The following PSMB2 variants were observed in gnomAD, a reference collection of about 807,000 sequenced individuals.
The protein encoded by PSMB2 is proteasome 20S subunit beta 2.
In PSMB2, 13 loss-of-function variants were observed where a neutral mutation model predicts 25.7. That is an observed-to-expected ratio of 0.51 (90% confidence interval 0.33 to 0.80). The LOEUF (loss-of-function observed/expected upper bound fraction) is 0.80. Ranked by LOEUF, PSMB2 falls within the 30% of genes least tolerant of loss-of-function variation. The probability of loss-of-function intolerance (pLI) is 0.02; values close to 1 mark genes in which losing one functional copy is unlikely to be tolerated. For synonymous variants in PSMB2, 87 were observed against 96.2 expected, an observed-to-expected ratio of 0.90 and a Z score of 0.56; for missense variants, 202 against 259.0, an observed-to-expected ratio of 0.78 and a Z score of 1.51.
chr1:35,601,553 C>T lies in PSMB2; in HGVS notation c.*1714G>A, dbSNP rs1459374202. Reference sequence around the variant, plus strand: ...TATGGTGTAAGGCATTTATCATTGGCGTATTAAATAGTGTATAAGACACCC... The same window carrying T: ...TATGGTGTAAGGCATTTATCATTGGTGTATTAAATAGTGTATAAGACACCC... On this transcript the variant is annotated 3_prime_UTR_variant, in exon 6 of 6. Coordinates refer to ENST00000373237, the MANE Select transcript of PSMB2 (RefSeq NM_002794.5). 4.1e-6 allele frequency: 4 copies of T among 984,968 alleles called. No individual in the cohort carries two copies. Among genetic ancestry groups the T allele is most frequent in the Non-Finnish European group, 3.6e-6 (3 of 829,782 alleles). 61.0% of individuals were successfully genotyped at this position (984,968 alleles called of 1,614,324 possible).
intron 1 of PSMB2, among the ~76,000 whole-genome samples, chr1:35,637,255 C>G (rs1279831921): frequency 6.6e-6 from 1 of 152,136 alleles, no homozygotes. Context: ...AGAAAATCAA[C>G]TGAGAATATT....
rs143420984 is a variant in PSMB2, at chr1:35,621,841, C to T, written c.285+9433G>A. Among the ~76,000 whole-genome samples, 1,048 of 152,074 alleles carry T rather than the reference C, an allele frequency of 6.9e-3. 8 individuals are homozygous for T. Among genetic ancestry groups the T allele is most frequent in the Non-Finnish European group, 0.011 (769 of 67,980 alleles). Reference sequence around the variant, plus strand: ...TGAAACCCCATCTCTACTAAAAATACAAAAATTAGCTAGGTATGGTGGCAT... The same window carrying T: ...TGAAACCCCATCTCTACTAAAAATATAAAAATTAGCTAGGTATGGTGGCAT... On this transcript the variant is annotated intron_variant, in intron 3 of 5. Coordinates refer to ENST00000373237, the MANE Select transcript of PSMB2 (RefSeq NM_002794.5).
rs138244294 is a variant in PSMB2, at chr1:35,617,785, T to C, written c.286-8377A>G. 2.0e-4 allele frequency among the ~76,000 whole-genome samples: 31 copies of C among 152,276 alleles called. No individual in the cohort carries two copies. The East Asian group carries it at 6.0e-3, about 29-fold the overall frequency. ...AGAATTAGGTGACTTCAGCAGGAAG[T>C]AGGGAGAGAAACTGGGATGACACTG... is the stretch of plus-strand genomic sequence containing the variant. On this transcript the variant is annotated intron_variant, in intron 3 of 5. Transcript: ENST00000373237.
chr1:35,636,022 T>C (rs1195953028), intron 2 of PSMB2, among the ~76,000 whole-genome samples: 1 of 152,154 alleles, frequency 6.6e-6, no homozygotes, highest in Non-Finnish European at 1.5e-5. Context: ...TAAGAGGTTA[T>C]TAAATTAAAA....
chr1:35,604,793 A>G (rs936423116), intron 5 of PSMB2, among the ~76,000 whole-genome samples: 17 of 152,320 alleles, frequency 1.1e-4, no homozygotes, highest in Middle Eastern at 6.8e-3. Context: ...ATAAAAAAAT[A>G]AAGTCTAGAG....
chr1:35,621,366 C>A (rs572335178), intron 3 of PSMB2, among the ~76,000 whole-genome samples: 1 of 152,292 alleles, frequency 6.6e-6, no homozygotes, highest in East Asian at 1.9e-4. Context: ...AGGTGTGCAC[C>A]TTTGTTTCCT....
At chr1:35,628,629 ATATT>A (rs1316257095) in intron 3 of PSMB2, among the ~76,000 whole-genome samples, 14 of 43,586 alleles carry the variant, frequency 3.2e-4, no homozygotes, top group African/African-American at 1.3e-3. Context: ...ATATATATAT[ATATT>A]TTTTTTTTTT....
chr1:35,636,164 A>G (rs1368689315), intron 2 of PSMB2, 146 bp downstream of exon 2: 5 of 977,792 alleles, frequency 5.1e-6, no homozygotes, highest in African/African-American at 1.7e-5. Context: ...TCAGAAATCA[A>G]CGCTGCCAAC....
chr1:35,617,165 C>T (rs978679383), intron 3 of PSMB2, among the ~76,000 whole-genome samples: 5 of 152,182 alleles, frequency 3.3e-5, no homozygotes, highest in African/African-American at 1.2e-4. Context: ...TTTCCTGCCT[C>T]AGCCTCTGGA....
intron 4 of PSMB2, among the ~76,000 whole-genome samples, chr1:35,608,054 G>A (rs1650219878): frequency 6.6e-6 from 1 of 152,170 alleles, no homozygotes; most frequent in Admixed American, 6.6e-5. Flanking sequence ...TGTAAGGGAT[G>A]GGGGACATTT....
intron 3 of PSMB2, 28 bp from the exon 4 acceptor site, chr1:35,609,436 T>C (rs1249504409): frequency 6.9e-7 from 1 of 1,448,264 alleles, no homozygotes; most frequent in East Asian, 2.6e-5. Context: ...GGCAAAGTGA[T>C]AACTAAAGCA....
chr1:35,631,371 T>A (rs762657106), intron 2 of PSMB2, 27 bp from the exon 3 acceptor site: 20 of 1,612,356 alleles, frequency 1.2e-5, no homozygotes, highest in Non-Finnish European at 1.7e-5. Context: ...AGAGTCATAC[T>A]TAAAGTAAAG....
intron 2 of PSMB2, among the ~76,000 whole-genome samples, chr1:35,636,021 A>G (rs1049269105): frequency 2.0e-5 from 3 of 152,184 alleles, no homozygotes; most frequent in Non-Finnish European, 4.4e-5. Context: ...TTAAGAGGTT[A>G]TTAAATTAAA....
intron 3 of PSMB2, among the ~76,000 whole-genome samples, chr1:35,614,259 G>A (rs1228687728): frequency 2.0e-5 from 3 of 152,132 alleles, no homozygotes; most frequent in Non-Finnish European, 4.4e-5. Context: ...CTACTTTCTA[G>A]ACAGTTTTTC....
At chr1:35,620,928 A>T (rs1356766431) in intron 3 of PSMB2, among the ~76,000 whole-genome samples, 1 of 151,904 alleles carries the variant, frequency 6.6e-6, no homozygotes, top group Admixed American at 6.6e-5. Context: ...GGCCTCCCAA[A>T]GTGCTGGGAT....
intron 1 of PSMB2, among the ~76,000 whole-genome samples, chr1:35,639,018 C>T (rs934254168): frequency 2.0e-5 from 3 of 151,668 alleles, no homozygotes; most frequent in Admixed American, 1.3e-4. Context: ...CTTTGGGAGG[C>T]GGAGGCAGGT....
At chr1:35,616,770 CTGGACTT>C (rs1448971854) in intron 3 of PSMB2, among the ~76,000 whole-genome samples, 1 of 152,094 alleles carries the variant, frequency 6.6e-6, no homozygotes, top group Admixed American at 6.6e-5. Context: ...GTTCTGAACT[CTGGACTT>C]TGTTTGCCAT....
chr1:35,616,174 G>A (rs909332353), intron 3 of PSMB2, among the ~76,000 whole-genome samples: 7 of 152,110 alleles, frequency 4.6e-5, no homozygotes, highest in Non-Finnish European at 8.8e-5. Context: ...TAGCATCAAG[G>A]GTCAGGTCCA....
rs147450444 is a variant in PSMB2, at chr1:35,612,823, C to T, written c.286-3415G>A. 8.9e-4 allele frequency among the ~76,000 whole-genome samples: 135 copies of T among 152,308 alleles called. 2 individuals are homozygous for T. In the East Asian group the frequency reaches 0.019, roughly 21 times the overall value. ...GGTATATTAAGTATTCCCCCAGATACTCAAAGAGGCCTTGTTAGAACCCAG... is the reference window on the plus strand; with the variant it reads ...GGTATATTAAGTATTCCCCCAGATATTCAAAGAGGCCTTGTTAGAACCCAG... On this transcript the variant is annotated intron_variant, in intron 3 of 5. Transcript: ENST00000373237.
Sources: allele counts gnomAD v4.1 joint callset (sites outside exome capture counted in the v4.1 genomes callset), GRCh38; gene constraint gnomAD v4.1.1; transcripts MANE v1.5; gene names NCBI Gene and HGNC (gene_info 2026-07-23, HGNC 2026-07-21).